RORA: variants seen among roughly 807,000 people sequenced by gnomAD.
RORA encodes nuclear receptor ROR-alpha.
In RORA, 7 loss-of-function variants were observed where a neutral mutation model predicts 69.5. That is an observed-to-expected ratio of 0.10 (90% CI 0.06 to 0.19). The LOEUF is 0.19. RORA is among the 10% of genes least tolerant of loss of function. The pLI, the probability that RORA is intolerant of heterozygous loss-of-function variation, is 1.00. For missense variants in RORA, 457 were observed against 663.0 expected (o/e 0.69, Z 3.41); for synonymous variants, 261 against 240.8 (o/e 1.08, Z -0.78).
intron 1 of RORA, among the ~76,000 whole-genome samples, chr15:60,746,280 G>T (rs1178816671): frequency 6.6e-6 from 1 of 152,134 alleles, no homozygotes; most frequent in African/African-American, 2.4e-5. Flanking sequence ...GCTGTCAGGG[G>T]TGGTGGGCCA....
chr15:60,946,985 C>A lies in RORA; in HGVS notation c.167-268299G>T, dbSNP rs989599155. Among the ~76,000 whole-genome samples the A allele has an allele frequency of 2.6e-5, 4 of 151,382 alleles. No individual in the cohort carries two copies. In the South Asian group the frequency reaches 8.4e-4, roughly 32 times the overall value. On this transcript the variant is annotated intron_variant, in intron 1 of 10. Transcript: ENST00000335670. ...CTCTCTGAGAAGTGAGGAGCCCCTC[C>A]GTCCGGCAGCCGCCCCTTCCGGGAG... is the stretch of plus-strand genomic sequence containing the variant.
intron 1 of RORA, among the ~76,000 whole-genome samples, chr15:60,723,378 C>A (rs953583999): frequency 1.3e-4 from 12 of 94,122 alleles, no homozygotes; most frequent in Admixed American, 1.1e-3. Context: ...CAAAACCATT[C>A]CCCCCCCCAC....
chr15:60,541,689 G>C (rs1051419530), intron 2 of RORA, among the ~76,000 whole-genome samples: 1 of 152,218 alleles, frequency 6.6e-6, no homozygotes, highest in African/African-American at 2.4e-5. Flanking sequence ...GAGATTGTCA[G>C]ATTTATTTTA....
intron 2 of RORA, among the ~76,000 whole-genome samples, chr15:60,601,574 A>T (rs2068810045): frequency 6.6e-6 from 1 of 152,234 alleles, no homozygotes; most frequent in African/African-American, 2.4e-5. Context: ...AGGTAAAAAA[A>T]TAATGATTTC....
chr15:60,800,260 A>G (rs1236961513), intron 1 of RORA, among the ~76,000 whole-genome samples: 1 of 152,224 alleles, frequency 6.6e-6, no homozygotes, highest in Non-Finnish European at 1.5e-5. Flanking sequence ...CAAAAGAAGA[A>G]TGACACGCTG....
intron 1 of RORA, among the ~76,000 whole-genome samples, chr15:61,211,284 C>CAAA (rs58967697): frequency 1.1e-5 from 1 of 93,262 alleles, no homozygotes; most frequent in Non-Finnish European, 2.2e-5. Context: ...AAAACAACAG[C>CAAA]AAAAAAAAAA....
At chr15:60,708,199 C>T (rs911842421) in intron 1 of RORA, among the ~76,000 whole-genome samples, 2 of 151,606 alleles carry the variant, frequency 1.3e-5, no homozygotes, top group African/African-American at 4.9e-5. Context: ...CTCCTAGGTA[C>T]CTATCTTCTT....
chr15:61,199,027 C>T (rs2079872037), intron 1 of RORA, among the ~76,000 whole-genome samples: 1 of 152,184 alleles, frequency 6.6e-6, no homozygotes, highest in Non-Finnish European at 1.5e-5. Flanking sequence ...CTTATTCATT[C>T]TTCCCATCTC....
At chr15:61,150,249 C>T (rs539686804) in intron 1 of RORA, among the ~76,000 whole-genome samples, 2 of 152,152 alleles carry the variant, frequency 1.3e-5, no homozygotes, top group Non-Finnish European at 2.9e-5. Flanking sequence ...GAAAACCATA[C>T]GCGAAGCATT....
intron 2 of RORA, among the ~76,000 whole-genome samples, chr15:60,644,976 A>G (rs1018674505): frequency 1.3e-5 from 2 of 152,176 alleles, no homozygotes; most frequent in African/African-American, 2.4e-5. Flanking sequence ...TCAAAGTACT[A>G]TTTCGTTAAC....
chr15:60,541,271 A>C (rs1367848177), intron 2 of RORA, among the ~76,000 whole-genome samples: 2 of 152,278 alleles, frequency 1.3e-5, no homozygotes. Flanking sequence ...GCAAGTTCTA[A>C]GCCTTTCAAA....
chr15:60,660,148 C>T (rs1274082808), intron 2 of RORA, among the ~76,000 whole-genome samples: 1 of 152,152 alleles, frequency 6.6e-6, no homozygotes, highest in Non-Finnish European at 1.5e-5. Context: ...ACCCAATTCA[C>T]AATCCTTTGT....
chr15:60,716,675 CT>C (rs1166949277), intron 1 of RORA, among the ~76,000 whole-genome samples: 1 of 152,142 alleles, frequency 6.6e-6, no homozygotes, highest in Non-Finnish European at 1.5e-5. Flanking sequence ...GGACTCTACT[CT>C]TTCCCCACCT....
Position 60,698,882 on chromosome 15 carries a change from T to G in RORA, c.167-20196A>C, listed in dbSNP as rs560786755. ...TTTTGTCTGCATTTTTAAAAAATTT[T>G]GTTTTTGTTGTCTAAGTTTCTTGAC... On this transcript the variant is annotated intron_variant, in intron 1 of 10. Coordinates refer to ENST00000335670, the MANE Select transcript of RORA (RefSeq NM_134261.3). Among the ~76,000 whole-genome samples the G allele has an allele frequency of 3.9e-5, 6 of 152,224 alleles. No homozygotes were observed. The East Asian group carries it at 7.7e-4, about 20-fold the overall frequency.
intron 1 of RORA, among the ~76,000 whole-genome samples, chr15:60,759,709 T>C (rs2071857229): frequency 6.6e-6 from 1 of 152,212 alleles, no homozygotes; most frequent in South Asian, 2.1e-4. Flanking sequence ...AAGAAGTGCG[T>C]GCCAAATGAT....
At chr15:60,979,460 T>G (rs1457625750) in intron 1 of RORA, among the ~76,000 whole-genome samples, 1 of 152,096 alleles carries the variant, frequency 6.6e-6, no homozygotes, top group Non-Finnish European at 1.5e-5. Flanking sequence ...TCTATTTTAA[T>G]AATATTAAGT....
chr15:61,209,481 C>A (rs1596073925), intron 1 of RORA, among the ~76,000 whole-genome samples: 2 of 152,168 alleles, frequency 1.3e-5, no homozygotes, highest in Admixed American at 1.3e-4. Flanking sequence ...AAACCAACCA[C>A]CCTGTAAATT....
chr15:60,626,691 C>T (rs759273175), intron 2 of RORA, among the ~76,000 whole-genome samples: 22 of 152,000 alleles, frequency 1.4e-4, no homozygotes, highest in African/African-American at 3.9e-4. Flanking sequence ...GTGGGTGGGC[C>T]GCACAGAAAC....
At chr15:60,712,517 T>A (rs1437543034) in intron 1 of RORA, among the ~76,000 whole-genome samples, 1 of 152,190 alleles carries the variant, frequency 6.6e-6, no homozygotes, top group Non-Finnish European at 1.5e-5. Flanking sequence ...TTTGGATTTA[T>A]TTTGGCTTAT....
Sources: allele counts gnomAD v4.1 joint callset (sites outside exome capture counted in the v4.1 genomes callset), GRCh38; gene constraint gnomAD v4.1.1; transcripts MANE v1.5; gene names NCBI Gene and HGNC (gene_info 2026-07-23, HGNC 2026-07-21).